The following CHD6 variants were observed in gnomAD, a reference collection of about 807,000 sequenced individuals.
The protein encoded by CHD6 is chromodomain helicase DNA binding protein 6.
CHD6 carries 50 observed loss-of-function variants against 276.9 expected under a neutral mutation model. The observed-to-expected ratio is 0.18, with a 90% CI of 0.14 to 0.23. The LOEUF is 0.23. Among genes scored for constraint, CHD6 ranks in the 10% least tolerant of loss-of-function variants. CHD6 has a pLI of 1.00. For synonymous variants in CHD6, 1,173 were observed against 1,229.3 expected (o/e 0.95, Z 0.96); for missense variants, 2,564 against 3,365.8 (o/e 0.76, Z 5.89).
chr20:41,515,128 A>G (rs2044220069), intron 3 of CHD6, among the ~76,000 whole-genome samples, 176 bp from the exon 4 acceptor site: 1 of 152,204 alleles, frequency 6.6e-6, no homozygotes, highest in Non-Finnish European at 1.5e-5. Flanking sequence ...ATCTACATGG[A>G]TCAATGCAGA....
At chr20:41,613,266 AG>A (rs758672742) in intron 1 of CHD6, among the ~76,000 whole-genome samples, 1 of 152,242 alleles carries the variant, frequency 6.6e-6, no homozygotes, top group Non-Finnish European at 1.5e-5. Context: ...AATGTAAGAA[AG>A]AAAAACCCTT....
At position 41,402,852 on chromosome 20, in the gene CHD6, G is replaced by A. The variant is rs182285726; in HGVS notation, c.*1741C>T. The A allele has an allele frequency of 5.0e-4, 105 of 208,938 alleles. 1 individual carries two copies. The East Asian group carries it at 6.7e-3, about 13-fold the overall frequency. The allele number at this position is 208,938 out of a possible 1,614,324, so 12.9% of individuals were successfully genotyped here. On this transcript the variant is annotated 3_prime_UTR_variant, in exon 37 of 37. Transcript: ENST00000373233. ...TAAGAAATCTGTGGTCAGCATTATA[G>A]ACCATCTATGCTACAAGGATGTCAT... is the stretch of plus-strand genomic sequence containing the variant.
At chr20:41,578,400 TA>T (rs1568713562) in intron 1 of CHD6, among the ~76,000 whole-genome samples, 1 of 152,182 alleles carries the variant, frequency 6.6e-6, no homozygotes, top group Admixed American at 6.5e-5. Context: ...CACAGTTTTT[TA>T]AAAAAGTTTT....
chr20:41,463,150 T>C (rs1201485667), intron 17 of CHD6, among the ~76,000 whole-genome samples: 2 of 152,142 alleles, frequency 1.3e-5, no homozygotes, highest in Admixed American at 6.5e-5. Context: ...AGTAACAGAT[T>C]ATAACTCACT....
intron 1 of CHD6, among the ~76,000 whole-genome samples, chr20:41,608,886 C>T (rs1451958603): frequency 6.6e-6 from 1 of 152,162 alleles, no homozygotes; most frequent in African/African-American, 2.4e-5. Flanking sequence ...GTCAAGAACA[C>T]ACAGGGAGAG....
chr20:41,402,727 T>C lies in CHD6; in HGVS notation c.*1866A>G, dbSNP rs1392828686. Reference sequence around the variant, plus strand: ...AGTTATTTTTCTTACATAAATAAATTATATTGATTTTTAGGATTTAACAGC... The same window carrying C: ...AGTTATTTTTCTTACATAAATAAATCATATTGATTTTTAGGATTTAACAGC... On this transcript the variant is annotated 3_prime_UTR_variant, in exon 37 of 37. Coordinates refer to ENST00000373233, the MANE Select transcript of CHD6 (RefSeq NM_032221.5). The C allele has an allele frequency of 1.9e-5, 4 of 210,414 alleles. No homozygotes were observed. Among genetic ancestry groups the C allele is most frequent in the African/African-American group, 9.1e-5 (4 of 44,048 alleles). The allele number at this position is 210,414 out of a possible 1,614,324, so 13.0% of individuals were successfully genotyped here.
intron 3 of CHD6, among the ~76,000 whole-genome samples, chr20:41,530,182 C>T (rs1601094814): frequency 1.3e-5 from 2 of 152,164 alleles, no homozygotes; most frequent in South Asian, 2.1e-4. Context: ...TACCAATAAC[C>T]GAGCTGATAA....
chr20:41,523,169 T>G (rs543778397), intron 3 of CHD6, among the ~76,000 whole-genome samples: 3 of 152,306 alleles, frequency 2.0e-5, no homozygotes, highest in African/African-American at 7.2e-5. Context: ...CTTAAGCCAG[T>G]GAACCTCATC....
At chr20:41,441,598 A>G (rs1022485050) in intron 25 of CHD6, among the ~76,000 whole-genome samples, 1 of 151,594 alleles carries the variant, frequency 6.6e-6, no homozygotes, top group African/African-American at 2.4e-5. Flanking sequence ...GCAAGCTGCG[A>G]CCCTCCCTGA....
At chr20:41,595,795 T>C (rs538899539) in intron 1 of CHD6, among the ~76,000 whole-genome samples, 11 of 151,938 alleles carry the variant, frequency 7.2e-5, no homozygotes, top group Non-Finnish European at 1.6e-4. Context: ...GAACCCTCAG[T>C]TTGCTTTTTT....
chr20:41,533,121 C>T lies in CHD6; in HGVS notation c.483G>A (p.Ser161=), dbSNP rs200005049. The change falls in exon 3 of 37, where the codon TCG becomes TCA. Residue 161 remains serine, a synonymous_variant. Coordinates refer to ENST00000373233, the MANE Select transcript of CHD6 (RefSeq NM_032221.5). ...AKKARKPREA[S]GTKEAKEKRS... ...TCTTCTCTTTGGCCTCCTTGGTGCC[C>T]GAGGCCTCCCGGGGCTTCCGTGCCT... The T allele has an allele frequency of 3.7e-5, 60 of 1,614,014 alleles. No individual in the cohort carries two copies. The highest frequency in any genetic ancestry group is 1.3e-4 in the Admixed American group (8 of 59,986).
At position 41,422,047 on chromosome 20, in the gene CHD6, T is replaced by A; in HGVS notation, c.4588A>T (p.Ile1530Phe). 6.2e-7 allele frequency: 1 copy of A among 1,613,766 alleles called. No homozygotes were observed. The highest frequency in any genetic ancestry group is 2.2e-5 in the East Asian group (1 of 44,876). ...GTTCTTGCAGCACGTTCCTCAGTGA[T>A]GGGTTCAACGTAGATGGTGGTATCT... ...PPDTTIYVEP[I>F]TEERAARTLY... is the part of the protein sequence containing the mutation. The change falls in exon 31 of 37, where the codon ATC becomes TTC. Residue 1530 changes from isoleucine to phenylalanine, a missense_variant. Ile to Phe is a conservative substitution (Grantham distance 21). Around this residue, in one of 7 missense-constraint regions of CHD6, gnomAD observed 515 missense variants for 739.5 expected, o/e 0.70. Transcript: ENST00000373233.
chr20:41,437,914 T>G (rs886491977), intron 26 of CHD6, among the ~76,000 whole-genome samples: 4 of 151,806 alleles, frequency 2.6e-5, no homozygotes, highest in African/African-American at 4.9e-5. Flanking sequence ...GGCAAGGACC[T>G]TTATTCAACT....
chr20:41,465,103 A>C (rs1238174262), intron 17 of CHD6, among the ~76,000 whole-genome samples: 1 of 152,226 alleles, frequency 6.6e-6, no homozygotes, highest in Admixed American at 6.5e-5. Context: ...TTAGCTAAAC[A>C]CCATGGTAAT....
intron 1 of CHD6, among the ~76,000 whole-genome samples, chr20:41,562,345 G>A (rs1399937154): frequency 6.6e-6 from 1 of 152,274 alleles, no homozygotes; most frequent in East Asian, 1.9e-4. Context: ...CTGTGGTCTA[G>A]TGGAAACATT....
At chr20:41,589,455 A>G (rs561968075) in intron 1 of CHD6, among the ~76,000 whole-genome samples, 1 of 152,362 alleles carries the variant, frequency 6.6e-6, no homozygotes, top group South Asian at 2.1e-4. Context: ...ACGTGATTGT[A>G]TATTTAGAAA....
chr20:41,414,396 A>C (rs2046932068), intron 34 of CHD6: 1 of 154,354 alleles, frequency 6.5e-6, no homozygotes, highest in Non-Finnish European at 1.4e-5. Context: ...GTGAGGAACA[A>C]ACAAGATAAT....
At chr20:41,478,283 G>C (rs1004398077) in intron 16 of CHD6, among the ~76,000 whole-genome samples, 3 of 152,182 alleles carry the variant, frequency 2.0e-5, no homozygotes, top group Admixed American at 6.5e-5. Flanking sequence ...CACAGCCTCT[G>C]CTTCTGGTAA....
chr20:41,589,235 T>C (rs558190304), intron 1 of CHD6, among the ~76,000 whole-genome samples: 1 of 152,308 alleles, frequency 6.6e-6, no homozygotes, highest in East Asian at 1.9e-4. Context: ...CTAAGAGCTA[T>C]TTATGACAAA....
Sources: gnomAD v4.1 joint callset for allele counts (sites outside exome capture counted in the v4.1 genomes callset) on GRCh38, gnomAD v4.1.1 for gene constraint, gnomAD v4.1.1 regional missense constraint, MANE v1.5 for transcripts, NCBI Gene and HGNC (gene_info 2026-07-23, HGNC 2026-07-21) for gene names.